SLC15A4: variants seen among roughly 807,000 people sequenced by gnomAD.
SLC15A4 encodes solute carrier family 15 member 4, also known as hPHT1.
A neutral mutation model predicts 46.1 loss-of-function variants in SLC15A4; 26 were observed. The ratio of observed to expected loss-of-function variants is 0.56; its 90% confidence interval spans 0.41 to 0.78. SLC15A4 has a LOEUF of 0.78. Ranked by LOEUF, SLC15A4 falls within the 30% of genes least tolerant of loss-of-function variation. SLC15A4 has a pLI of 0.00. For synonymous variants in SLC15A4, 370 were observed against 333.4 expected (o/e 1.11, Z -1.20); for missense variants, 751 against 755.7 (o/e 0.99, Z 0.07).
At chr12:128,800,799 C>CA (rs1566046263) in intron 6 of SLC15A4, 55 bp downstream of exon 6, 7 of 1,535,630 alleles carry the variant, frequency 4.6e-6, no homozygotes. Context: ...TCAGAATGCC[C>CA]GAGCGCTCAC....
chr12:128,808,851 G>T lies in SLC15A4; in HGVS notation c.1195C>A (p.Pro399Thr). 6.2e-7 allele frequency: 1 copy of T among 1,614,232 alleles called. No homozygotes were observed. Among genetic ancestry groups the T allele is most frequent in the East Asian group, 2.2e-5 (1 of 44,882 alleles). ...ACGGCGATCCTCTTCAGGGAGGATGGGAGCAGGCCATGTCTTCTCAAAATG... is the reference window on the plus strand; with the variant it reads ...ACGGCGATCCTCTTCAGGGAGGATGTGAGCAGGCCATGTCTTCTCAAAATG... Reference protein sequence around the residue: ...DPILRRHGLLPSSLKRIAVGM... With the variant: ...DPILRRHGLLTSSLKRIAVGM... Residue 399 changes from proline to threonine, a missense_variant, in exon 5 of 8, where the codon CCA becomes ACA. By Grantham distance (38) the Pro-to-Thr change is conservative. Transcript: ENST00000266771.
chr12:128,804,853 C>G (rs1955564874), intron 5 of SLC15A4, among the ~76,000 whole-genome samples: 2 of 152,208 alleles, frequency 1.3e-5, no homozygotes, highest in Admixed American at 1.3e-4. Context: ...TTAAAATATT[C>G]TCCTGCCTAC....
intron 5 of SLC15A4, among the ~76,000 whole-genome samples, chr12:128,805,986 G>A (rs955885381): frequency 2.6e-5 from 4 of 151,702 alleles, no homozygotes; most frequent in African/African-American, 7.3e-5. Flanking sequence ...TCGAGACCAC[G>A]ATGAAACCCT....
At chr12:128,817,286 C>T (rs752333183) in intron 1 of SLC15A4, among the ~76,000 whole-genome samples, 3 of 152,160 alleles carry the variant, frequency 2.0e-5, no homozygotes, top group Admixed American at 6.5e-5. Flanking sequence ...TATTGCTCAA[C>T]AGTGGACACC....
chr12:128,796,452 A>AC (rs1566043621), intron 7 of SLC15A4, among the ~76,000 whole-genome samples: 3 of 39,594 alleles, frequency 7.6e-5, no homozygotes, highest in African/African-American at 1.7e-4. Context: ...AAAAAAAAAA[A>AC]AAAAAACCCA....
At chr12:128,807,128 C>T (rs1415386177) in intron 5 of SLC15A4, among the ~76,000 whole-genome samples, 1 of 152,072 alleles carries the variant, frequency 6.6e-6, no homozygotes, top group African/African-American at 2.4e-5. Context: ...GTCTCAAACT[C>T]CTGACCTTGT....
At chr12:128,809,173 G>T in intron 4 of SLC15A4, 1 of 598,340 alleles carries the variant, frequency 1.7e-6, no homozygotes, top group African/African-American at 1.9e-5. Flanking sequence ...ATAATCAGGT[G>T]AAAAATACTA....
At chr12:128,821,938 G>C (rs1481661328) in intron 1 of SLC15A4, among the ~76,000 whole-genome samples, 1 of 151,574 alleles carries the variant, frequency 6.6e-6, no homozygotes, top group African/African-American at 2.4e-5. Context: ...TTCTTAGCTT[G>C]TGAATCCTCA....
chr12:128,823,286 C>T (rs1402740028), intron 1 of SLC15A4, 112 bp downstream of exon 1: 1 of 1,076,626 alleles, frequency 9.3e-7, no homozygotes, highest in Non-Finnish European at 1.2e-6. Context: ...AGAAGCCCCC[C>T]GGGGCAAGGG....
rs2135719278 is a variant in SLC15A4 at position 128,814,778 on chromosome 12, T to C, written c.839A>G (p.Asn280Ser). The change falls in exon 2 of 8, where the codon AAT (asparagine) becomes AGT (serine). Residue 280 changes from asparagine to serine, a missense_variant. By Grantham distance (46) the Asn-to-Ser change is conservative. Transcript: ENST00000266771. ...AAGATGAGAACTAAGTGCTTACCCATTACTCTGGCGCTCTCCACTTCGCTT... is the reference window on the plus strand; with the variant it reads ...AAGATGAGAACTAAGTGCTTACCCACTACTCTGGCGCTCTCCACTTCGCTT... Reference protein sequence around the residue: ...SQKRSGERQSNGEGIGVFQQS... With the variant: ...SQKRSGERQSSGEGIGVFQQS... The C allele has an allele frequency of 6.2e-7, 1 of 1,613,352 alleles. No homozygotes were observed. The highest frequency in any genetic ancestry group is 1.3e-5 in the African/African-American group (1 of 75,028).
chr12:128,799,584 A>G (rs1160189133), intron 6 of SLC15A4, among the ~76,000 whole-genome samples, 167 bp from the exon 7 acceptor site: 1 of 152,226 alleles, frequency 6.6e-6, no homozygotes, highest in East Asian at 1.9e-4. Context: ...ACTAGCGACC[A>G]AGAATCAATG....
intron 3 of SLC15A4, 83 bp from the exon 4 acceptor site, chr12:128,809,556 G>T (rs1593010779): frequency 1.2e-6 from 1 of 808,200 alleles, no homozygotes; most frequent in Non-Finnish European, 2.0e-6. Flanking sequence ...CCCTAAGCTA[G>T]ACTCAGATGC....
intron 5 of SLC15A4, among the ~76,000 whole-genome samples, chr12:128,807,900 T>G (rs182492671): frequency 6.6e-6 from 1 of 152,246 alleles, no homozygotes; most frequent in Non-Finnish European, 1.5e-5. Flanking sequence ...TTAAGTACTA[T>G]ATCAATACAT....
chr12:128,804,922 C>T (rs1315630391), intron 5 of SLC15A4, among the ~76,000 whole-genome samples: 2 of 152,142 alleles, frequency 1.3e-5, no homozygotes, highest in African/African-American at 2.4e-5. Context: ...ACTGAAACCG[C>T]CAAAAACAAC....
At chr12:128,797,785 C>T (rs73436431) in intron 7 of SLC15A4, among the ~76,000 whole-genome samples, 34 of 152,314 alleles carry the variant, frequency 2.2e-4, no homozygotes, top group African/African-American at 7.9e-4. Flanking sequence ...TGTGGATTTC[C>T]CATGTCACAG....
In SLC15A4 at chr12:128,809,090, A is replaced by C; in HGVS notation, c.1090-134T>G. On this transcript the variant is annotated intron_variant, in intron 4 of 7. Coordinates refer to ENST00000266771, the MANE Select transcript of SLC15A4 (RefSeq NM_145648.4). ...CCACAAGGTACAACCTCTTCAGTTT[A>C]GAGACAACGGAACTGGGAAAAGATT... The C allele has an allele frequency of 5.0e-6, 4 of 805,818 alleles. No homozygotes were observed. The South Asian group carries it at 7.4e-5, about 15-fold the overall frequency. The allele number at this position is 805,818 out of a possible 1,614,324, so 49.9% of individuals were successfully genotyped here. A position where few individuals can be genotyped will look rare whatever the true frequency, so the allele number is the denominator to read the frequency against.
intron 7 of SLC15A4, 144 bp downstream of exon 7, chr12:128,799,115 G>C (rs1955483387): frequency 1.2e-6 from 1 of 812,242 alleles, no homozygotes; most frequent in African/African-American, 1.7e-5. Flanking sequence ...GCAGCACAGA[G>C]CAGTGCTGTG....
At chr12:128,809,539 G>T in intron 3 of SLC15A4, 66 bp from the exon 4 acceptor site, 1 of 976,422 alleles carries the variant, frequency 1.0e-6, no homozygotes, top group Non-Finnish European at 1.6e-6. Context: ...TAAGCATCCT[G>T]CCCCTCCCCT....
At chr12:128,805,997 G>A (rs953245567) in intron 5 of SLC15A4, among the ~76,000 whole-genome samples, 5 of 151,632 alleles carry the variant, frequency 3.3e-5, no homozygotes, top group Non-Finnish European at 1.5e-5. Flanking sequence ...ATGAAACCCT[G>A]TCTCTACTAA....
Sources: gnomAD v4.1 joint callset for allele counts (sites outside exome capture counted in the v4.1 genomes callset) on GRCh38, gnomAD v4.1.1 for gene constraint, MANE v1.5 for transcripts, NCBI Gene and HGNC (gene_info 2026-07-23, HGNC 2026-07-21) for gene names.